The following ADAMTSL1 variants were observed in gnomAD, a reference collection of about 807,000 sequenced individuals.
ADAMTSL1 encodes the protein ADAMTS-like protein 1.
Under a neutral mutation model 201.8 loss-of-function variants are expected in ADAMTSL1, and 126 were observed. The ratio of observed to expected loss-of-function variants is 0.62; its 90% CI spans 0.54 to 0.72. ADAMTSL1 has a LOEUF of 0.72. Ranked by LOEUF, ADAMTSL1 falls within the 30% of genes least tolerant of loss-of-function variation. The pLI, the probability that ADAMTSL1 is intolerant of heterozygous loss-of-function variation, is 0.00. For missense variants in ADAMTSL1, 2,679 were observed against 2,277.8 expected, an observed-to-expected ratio of 1.18 and a Z score of -3.59; for synonymous variants, 1,121 against 903.4, an observed-to-expected ratio of 1.24 and a Z score of -4.32.
At chr9:17,997,244 A>G (rs1345386148) in intron 1 of ADAMTSL1, among the ~76,000 whole-genome samples, 1 of 152,128 alleles carries the variant, frequency 6.6e-6, no homozygotes, top group Non-Finnish European at 1.5e-5. Context: ...TTAGAATGGA[A>G]AGTTTTTGGT....
chr9:17,999,586 C>A lies in ADAMTSL1; in HGVS notation c.87+92664C>A, dbSNP rs557306976. On this transcript the variant is annotated intron_variant, in intron 1 of 29. Coordinates refer to the ADAMTSL1 transcript ENST00000680146. ...TCCTTGATTTTTTTAGTGTGCCCCC[C>A]AGAAAATATTTTCAGACACTTTTTT... Among the ~76,000 whole-genome samples the A allele has an allele frequency of 2.7e-5, 4 of 150,364 alleles. No individual in the cohort carries two copies. In the South Asian group the frequency reaches 6.4e-4, roughly 24 times the overall value.
chr9:18,217,102 G>C (rs570174110), intron 2 of ADAMTSL1, among the ~76,000 whole-genome samples: 4 of 152,260 alleles, frequency 2.6e-5, no homozygotes, highest in Admixed American at 2.0e-4. Flanking sequence ...TTTAATCTGG[G>C]CTCTAAAGGA....
chr9:18,386,745 C>CTGTT (rs1451100074), intron 2 of ADAMTSL1, among the ~76,000 whole-genome samples: 1 of 152,012 alleles, frequency 6.6e-6, no homozygotes, highest in Non-Finnish European at 1.5e-5. Flanking sequence ...TTATGTTTCC[C>CTGTT]TGTTTAACAT....
intron 1 of ADAMTSL1, among the ~76,000 whole-genome samples, chr9:17,983,132 C>T (rs1164688316): frequency 1.6e-4 from 22 of 135,158 alleles, no homozygotes; most frequent in Admixed American, 1.1e-3. Flanking sequence ...TGCAATGGCA[C>T]GATCTCTGCT....
At chr9:18,717,244 TAATAATAATAAATA>T (rs1833006388) in intron 14 of ADAMTSL1, among the ~76,000 whole-genome samples, 1 of 146,920 alleles carries the variant, frequency 6.8e-6, no homozygotes, top group Admixed American at 6.8e-5. Context: ...ATAATAATAA[TAATAATAATAAATA>T]AAATAAAATA....
chr9:17,986,245 T>A (rs577082758), intron 1 of ADAMTSL1, among the ~76,000 whole-genome samples: 3 of 152,168 alleles, frequency 2.0e-5, no homozygotes, highest in East Asian at 3.9e-4. Flanking sequence ...GTAAATTGAT[T>A]GAGAAAACCC....
chr9:18,852,598 C>G (rs987937959), intron 23 of ADAMTSL1, among the ~76,000 whole-genome samples: 3 of 152,114 alleles, frequency 2.0e-5, no homozygotes, highest in African/African-American at 7.2e-5. Context: ...TAGTTGAGTT[C>G]TCTTTGATAA....
chr9:18,485,826 G>A (rs540246157), intron 1 of ADAMTSL1, among the ~76,000 whole-genome samples: 53 of 152,218 alleles, frequency 3.5e-4, no homozygotes, highest in Non-Finnish European at 6.2e-4. Context: ...TAGAAAGACA[G>A]CTGGGATGGC....
At chr9:18,446,228 TA>T (rs1246502533) in intron 2 of ADAMTSL1, among the ~76,000 whole-genome samples, 1 of 152,204 alleles carries the variant, frequency 6.6e-6, no homozygotes, top group Non-Finnish European at 1.5e-5. Flanking sequence ...AGAAACTCTA[TA>T]TATGGGCTTA....
chr9:18,773,173 A>C (rs1175748077), intron 17 of ADAMTSL1, among the ~76,000 whole-genome samples: 1 of 152,304 alleles, frequency 6.6e-6, no homozygotes, highest in East Asian at 1.9e-4. Context: ...TTCATCCTCC[A>C]CTATCTGGGC....
intron 15 of ADAMTSL1, chr9:18,723,199 C>T (rs999702808): frequency 4.3e-6 from 3 of 691,216 alleles, no homozygotes; most frequent in African/African-American, 3.5e-5. Flanking sequence ...CCATGACTTG[C>T]TCACATGTCC....
At chr9:18,132,667 T>C (rs931137075) in intron 1 of ADAMTSL1, among the ~76,000 whole-genome samples, 1 of 152,168 alleles carries the variant, frequency 6.6e-6, no homozygotes, top group African/African-American at 2.4e-5. Context: ...CAGTCTATCA[T>C]GTATGTTACT....
At chr9:18,288,829 G>C (rs1833131045) in intron 2 of ADAMTSL1, among the ~76,000 whole-genome samples, 2 of 152,302 alleles carry the variant, frequency 1.3e-5, no homozygotes, top group East Asian at 1.9e-4. Context: ...CAAAGAGTAT[G>C]ATCTAAATCA....
chr9:18,163,577 A>T (rs1484846388), intron 1 of ADAMTSL1, among the ~76,000 whole-genome samples: 1 of 151,940 alleles, frequency 6.6e-6, no homozygotes, highest in East Asian at 1.9e-4. Context: ...GCCTGACCAT[A>T]TTGGACCTGG....
intron 1 of ADAMTSL1, among the ~76,000 whole-genome samples, chr9:18,106,419 A>C (rs1824764608): frequency 6.6e-6 from 1 of 152,194 alleles, no homozygotes; most frequent in South Asian, 2.1e-4. Flanking sequence ...CCCACACAGC[A>C]TTTCTCAATG....
chr9:18,025,390 C>T (rs187326031), intron 1 of ADAMTSL1, among the ~76,000 whole-genome samples: 6 of 152,152 alleles, frequency 3.9e-5, no homozygotes, highest in Non-Finnish European at 8.8e-5. Context: ...AGTTTCAGCT[C>T]TTACATTTAA....
chr9:18,414,391 A>G (rs1587124440), intron 2 of ADAMTSL1, among the ~76,000 whole-genome samples: 1 of 152,348 alleles, frequency 6.6e-6, no homozygotes, highest in East Asian at 1.9e-4. Context: ...TTCAACATAA[A>G]CAGCTTCTAT....
At chr9:18,332,680 G>T (rs1375331750) in intron 2 of ADAMTSL1, among the ~76,000 whole-genome samples, 2 of 152,108 alleles carry the variant, frequency 1.3e-5, no homozygotes, top group Non-Finnish European at 2.9e-5. Flanking sequence ...AATAGAATTT[G>T]TTGATAACTA....
Position 18,098,146 on chromosome 9 carries a change from G to C in ADAMTSL1, c.88-65716G>C, listed in dbSNP as rs146563963. 6.3e-4 allele frequency among the ~76,000 whole-genome samples: 96 copies of C among 151,690 alleles called. 2 individuals are homozygous for C. Among genetic ancestry groups the C allele is most frequent in the Middle Eastern group, 6.8e-3 (2 of 294 alleles). On this transcript the variant is annotated intron_variant, in intron 1 of 29. Transcript: ENST00000680146. ...AAAAATAAATTATGGGTATTTTTTGGAATTTATTTTGTTATATTTATCTAT... is the reference window on the plus strand; with the variant it reads ...AAAAATAAATTATGGGTATTTTTTGCAATTTATTTTGTTATATTTATCTAT...
Sources: gnomAD v4.1 joint callset for allele counts (sites outside exome capture counted in the v4.1 genomes callset) on GRCh38, gnomAD v4.1.1 for gene constraint, MANE v1.5 for transcripts, NCBI Gene and HGNC (gene_info 2026-07-23, HGNC 2026-07-21) for gene names.